Variants in CTNND2 observed in about 807,000 individuals in gnomAD.
CTNND2 encodes the protein catenin delta-2.
CTNND2 carries 22 observed loss-of-function variants against 144.4 expected under a neutral mutation model. That is an observed-to-expected ratio of 0.15 (90% CI 0.11 to 0.22). The LOEUF (loss-of-function observed/expected upper bound fraction) is 0.22. Among genes scored for constraint, CTNND2 ranks in the 10% least tolerant of loss-of-function variants. The probability of loss-of-function intolerance (pLI) is 1.00; values close to 1 mark genes in which losing one functional copy is unlikely to be tolerated. For synonymous variants in CTNND2, 751 were observed against 695.6 expected, an observed-to-expected ratio of 1.08 and a Z score of -1.25; for missense variants, 1,353 against 1,618.8, an observed-to-expected ratio of 0.84 and a Z score of 2.82.
chr5:10,992,470 G>T, intron 19 of CTNND2, 81 bp downstream of exon 19: 3 of 1,589,568 alleles, frequency 1.9e-6, no homozygotes, highest in South Asian at 2.2e-5. Flanking sequence ...CTCTGAGTAC[G>T]GGTTGGCTCA....
chr5:11,214,441 A>G (rs910971217), intron 10 of CTNND2, among the ~76,000 whole-genome samples: 1 of 152,188 alleles, frequency 6.6e-6, no homozygotes, highest in Non-Finnish European at 1.5e-5. Flanking sequence ...GACTGGAAGG[A>G]AGGCAATGAT....
At chr5:11,662,008 C>CAT (rs1474197017) in intron 2 of CTNND2, among the ~76,000 whole-genome samples, 1 of 150,810 alleles carries the variant, frequency 6.6e-6, no homozygotes, top group African/African-American at 2.5e-5. Flanking sequence ...CAAACACACA[C>CAT]ATATATACAC....
At position 11,603,047 on chromosome 5, in the gene CTNND2, A is replaced by C. The variant is rs147414406; in HGVS notation, c.175-37991T>G. Among the ~76,000 whole-genome samples the C allele has an allele frequency of 3.2e-4, 49 of 152,230 alleles. No homozygotes were observed. In the East Asian group the frequency reaches 9.1e-3, roughly 28 times the overall value. ...TAATTTAAAAGTAAAAATGCTTCTC[A>C]GATTATTCTCTAACCTATTAGAAAG... is the stretch of plus-strand genomic sequence containing the variant. On this transcript the variant is annotated intron_variant, in intron 2 of 21. Transcript: ENST00000304623.
At chr5:11,118,870 T>C (rs1463760553) in intron 12 of CTNND2, among the ~76,000 whole-genome samples, 2 of 152,128 alleles carry the variant, frequency 1.3e-5, no homozygotes, top group African/African-American at 2.4e-5. Context: ...AGTAAGTGTG[T>C]CTCTGCTTCA....
intron 2 of CTNND2, among the ~76,000 whole-genome samples, chr5:11,606,296 G>A (rs74655144): frequency 0.055 from 8,353 of 152,300 alleles, 437 homozygotes; most frequent in African/African-American, 0.13. Context: ...TTTCAGCCCA[G>A]TGAAACCTAC....
At chr5:10,998,797 C>A (rs1739618771) in intron 18 of CTNND2, among the ~76,000 whole-genome samples, 1 of 152,170 alleles carries the variant, frequency 6.6e-6, no homozygotes, top group Non-Finnish European at 1.5e-5. Flanking sequence ...ATTAACATTA[C>A]ATATTATAAT....
chr5:11,493,270 T>G (rs944694972), intron 3 of CTNND2, among the ~76,000 whole-genome samples: 1 of 152,152 alleles, frequency 6.6e-6, no homozygotes, highest in African/African-American at 2.4e-5. Context: ...CAGTCTCACC[T>G]GCAGAATCCC....
intron 1 of CTNND2, among the ~76,000 whole-genome samples, chr5:11,890,368 C>T (rs1736864272): frequency 6.6e-6 from 1 of 152,136 alleles, no homozygotes; most frequent in Non-Finnish European, 1.5e-5. Context: ...CTGAGGATGC[C>T]AGGACATCCA....
intron 18 of CTNND2, among the ~76,000 whole-genome samples, chr5:11,001,626 T>G (rs1028438176): frequency 3.0e-4 from 45 of 152,216 alleles, no homozygotes; most frequent in Non-Finnish European, 1.3e-4. Context: ...ATAAATACAT[T>G]CAGAGCCTTA....
At chr5:11,461,245 A>T (rs892959529) in intron 3 of CTNND2, among the ~76,000 whole-genome samples, 4 of 152,134 alleles carry the variant, frequency 2.6e-5, no homozygotes, top group Non-Finnish European at 5.9e-5. Context: ...AAGGGACAGA[A>T]AAACATAGAT....
intron 3 of CTNND2, among the ~76,000 whole-genome samples, chr5:11,515,184 C>T (rs1772051730): frequency 6.6e-6 from 1 of 151,256 alleles, no homozygotes; most frequent in Non-Finnish European, 1.5e-5. Flanking sequence ...GGTCATCAGA[C>T]TCTGAGTGTG....
intron 9 of CTNND2, among the ~76,000 whole-genome samples, chr5:11,300,173 C>T (rs565906400): frequency 5.3e-5 from 8 of 152,174 alleles, no homozygotes; most frequent in South Asian, 2.1e-4. Context: ...CCATGGGGAA[C>T]GGATAGGATT....
At chr5:11,559,813 A>G (rs1479680144) in intron 3 of CTNND2, among the ~76,000 whole-genome samples, 1 of 152,106 alleles carries the variant, frequency 6.6e-6, no homozygotes, top group Non-Finnish European at 1.5e-5. Flanking sequence ...GACAACTGAC[A>G]AGTAAAGTTC....
At chr5:11,360,214 T>C (rs961603905) in intron 8 of CTNND2, among the ~76,000 whole-genome samples, 6 of 151,972 alleles carry the variant, frequency 3.9e-5, no homozygotes, top group African/African-American at 9.7e-5. Flanking sequence ...AGAGGAGAGA[T>C]AGGAAAAGAT....
chr5:11,104,233 A>G (rs1752192002), intron 14 of CTNND2, among the ~76,000 whole-genome samples: 1 of 152,204 alleles, frequency 6.6e-6, no homozygotes, highest in African/African-American at 2.4e-5. Context: ...AACAGACCAG[A>G]GATGCTGCAA....
At chr5:11,630,483 G>C (rs1284691729) in intron 2 of CTNND2, among the ~76,000 whole-genome samples, 2 of 152,058 alleles carry the variant, frequency 1.3e-5, no homozygotes, top group Non-Finnish European at 2.9e-5. Flanking sequence ...CAAACCAATT[G>C]GTGTAAAGAG....
chr5:11,185,418 AGAAG>A, intron 11 of CTNND2, among the ~76,000 whole-genome samples: 1 of 152,364 alleles, frequency 6.6e-6, no homozygotes. Flanking sequence ...TGGAGAAGAA[AGAAG>A]GAAGACAAGA....
intron 3 of CTNND2, among the ~76,000 whole-genome samples, chr5:11,445,254 T>C (rs1485948459): frequency 6.6e-6 from 1 of 152,140 alleles, no homozygotes; most frequent in African/African-American, 2.4e-5. Flanking sequence ...CCTGGTGTTC[T>C]CCTCTGTGTG....
chr5:11,403,705 C>T (rs554696208), intron 5 of CTNND2, among the ~76,000 whole-genome samples: 5 of 152,270 alleles, frequency 3.3e-5, no homozygotes, highest in East Asian at 1.9e-4. Flanking sequence ...CTGATATATT[C>T]GTATTTCTCA....
Sources: allele counts gnomAD v4.1 joint callset (sites outside exome capture counted in the v4.1 genomes callset), GRCh38; gene constraint gnomAD v4.1.1; transcripts MANE v1.5; gene names NCBI Gene and HGNC (gene_info 2026-07-23, HGNC 2026-07-21).